The following WDR72 variants were observed in gnomAD, a reference collection of about 807,000 sequenced individuals.
The protein encoded by WDR72 is WD repeat-containing protein 72.
Under a neutral mutation model 124.2 loss-of-function variants are expected in WDR72, and 120 were observed. The ratio of observed to expected loss-of-function variants is 0.97; its 90% CI spans 0.83 to 1.12. The LOEUF (loss-of-function observed/expected upper bound fraction) is 1.12. Among genes scored for constraint, WDR72 ranks in the 50% most tolerant of loss-of-function variants. The pLI is 0.00. For missense variants in WDR72, 1,387 were observed against 1,278.8 expected (o/e 1.08, Z -1.29); for synonymous variants, 452 against 441.7 (o/e 1.02, Z -0.29).
At chr15:53,627,064 C>T (rs1007207921) in intron 14 of WDR72, among the ~76,000 whole-genome samples, 4 of 152,096 alleles carry the variant, frequency 2.6e-5, no homozygotes, top group Admixed American at 6.5e-5. Context: ...GACTCTTTCT[C>T]CTCACACTAA....
intron 13 of WDR72, among the ~76,000 whole-genome samples, chr15:53,690,626 A>T (rs1306102387): frequency 6.6e-6 from 1 of 152,196 alleles, no homozygotes; most frequent in Non-Finnish European, 1.5e-5. Flanking sequence ...CTACATTTTG[A>T]GGGTGGAGTA....
chr15:53,596,247 AAATT>A (rs2012767316), intron 18 of WDR72, among the ~76,000 whole-genome samples: 1 of 152,192 alleles, frequency 6.6e-6, no homozygotes, highest in Non-Finnish European at 1.5e-5. Context: ...ATCACATGAT[AAATT>A]AATGTATTCA....
Position 53,716,609 on chromosome 15 carries a change from A to C in WDR72, c.337T>G (p.Cys113Gly), listed in dbSNP as rs2140561680. The C allele has an allele frequency of 6.2e-7, 1 of 1,602,842 alleles. No individual in the cohort carries two copies. The highest frequency in any genetic ancestry group is 2.2e-5 in the East Asian group (1 of 44,816). The change falls in exon 4 of 20, where the codon TGT becomes GGT. Residue 113 changes from cysteine to glycine, a missense_variant and splice_region_variant. Transcript: ENST00000360509. Reference sequence around the variant, plus strand: ...CTGAAGGAAGTGAGTGTACTTACACAGATTGCAGTGTGCCTGTAAGGAAGT... The same window carrying C: ...CTGAAGGAAGTGAGTGTACTTACACCGATTGCAGTGTGCCTGTAAGGAAGT... The part of the protein sequence containing the change: ...ATLPYRHTAI[C>G]YYHCSFRMTG...
At chr15:53,737,394 T>A (rs188640250) in intron 1 of WDR72, among the ~76,000 whole-genome samples, 1 of 152,226 alleles carries the variant, frequency 6.6e-6, no homozygotes, top group Admixed American at 6.5e-5. Flanking sequence ...AAATTATCAA[T>A]TAGAATATAT....
chr15:53,702,460 T>G, intron 11 of WDR72, 106 bp from the exon 12 acceptor site: 1 of 926,144 alleles, frequency 1.1e-6, no homozygotes, highest in Non-Finnish European at 1.7e-6. Context: ...TACATATAAT[T>G]AAAGCATGCA....
rs984818602 is a variant in WDR72, at chr15:53,721,119, T to C, written c.260+1683A>G. ...GTATCTTATAGATACAGCATAAGTT[T>C]TAGAAACCTCAAAAGCACAAAGTTC... On this transcript the variant is annotated intron_variant, in intron 3 of 19. Transcript: ENST00000360509. Among the ~76,000 whole-genome samples the C allele has an allele frequency of 3.3e-5, 5 of 152,154 alleles. No homozygotes were observed. The East Asian group carries it at 7.7e-4, about 23-fold the overall frequency.
At chr15:53,727,277 T>C (rs969134019) in intron 2 of WDR72, among the ~76,000 whole-genome samples, 5 of 150,912 alleles carry the variant, frequency 3.3e-5, no homozygotes, top group Admixed American at 3.3e-4. Context: ...CTAGCAAATG[T>C]CTTGTGGGTA....
intron 1 of WDR72, among the ~76,000 whole-genome samples, chr15:53,739,773 G>A (rs1320966831): frequency 6.6e-6 from 1 of 152,142 alleles, no homozygotes; most frequent in African/African-American, 2.4e-5. Context: ...CTTGGCTAAC[G>A]TGTGCTTAGC....
intron 14 of WDR72, among the ~76,000 whole-genome samples, chr15:53,637,987 A>C (rs1241712504): frequency 1.3e-5 from 2 of 152,182 alleles, no homozygotes; most frequent in Non-Finnish European, 2.9e-5. Context: ...TTTTGCAATT[A>C]GTAGTACTCA....
intron 14 of WDR72, among the ~76,000 whole-genome samples, chr15:53,625,544 A>G (rs1430560602): frequency 6.6e-6 from 1 of 152,220 alleles, no homozygotes; most frequent in Non-Finnish European, 1.5e-5. Flanking sequence ...TGTGAATGCT[A>G]TAAACAGCAG....
chr15:53,552,128 ATGTGTGTG>A (rs34039658), intron 18 of WDR72, among the ~76,000 whole-genome samples: 136 of 149,846 alleles, frequency 9.1e-4, no homozygotes, highest in African/African-American at 3.2e-3. Flanking sequence ...TATACCTATC[ATGTGTGTG>A]TGTGTGTGTG....
intron 13 of WDR72, among the ~76,000 whole-genome samples, chr15:53,692,762 G>A (rs1037723547): frequency 6.6e-6 from 1 of 152,046 alleles, no homozygotes; most frequent in Non-Finnish European, 1.5e-5. Context: ...GTGATAACTA[G>A]GGCAAAGGAG....
intron 14 of WDR72, among the ~76,000 whole-genome samples, chr15:53,654,286 T>G (rs917758207): frequency 6.6e-6 from 1 of 152,204 alleles, no homozygotes; most frequent in African/African-American, 2.4e-5. Context: ...TTTCGTAGAT[T>G]ATATTACTTA....
chr15:53,654,270 C>T (rs62005959), intron 14 of WDR72, among the ~76,000 whole-genome samples: 7,328 of 152,196 alleles, frequency 0.048, 263 homozygotes, highest in Non-Finnish European at 0.078. Flanking sequence ...TCATACATAA[C>T]GAGACTTTCG....
At chr15:53,704,816 T>TA (rs35150329) in intron 11 of WDR72, among the ~76,000 whole-genome samples, 172 bp downstream of exon 11, 21,973 of 136,074 alleles carry the variant, frequency 0.16, 2,033 homozygotes, top group East Asian at 0.44. Context: ...ACAGGGAGTT[T>TA]AAAAAAAAAA....
At chr15:53,679,772 AAAT>A (rs982814238) in intron 13 of WDR72, among the ~76,000 whole-genome samples, 1 of 152,200 alleles carries the variant, frequency 6.6e-6, no homozygotes, top group Non-Finnish European at 1.5e-5. Flanking sequence ...TCTCAGAGAA[AAAT>A]AATAGAAGCC....
chr15:53,540,879 G>C (rs1407699090), intron 18 of WDR72: 1 of 154,222 alleles, frequency 6.5e-6, no homozygotes, highest in Non-Finnish European at 1.4e-5. Flanking sequence ...AGAAAGGGGT[G>C]ACGGACGCAC....
intron 13 of WDR72, among the ~76,000 whole-genome samples, chr15:53,689,088 G>T (rs1009752916): frequency 5.9e-5 from 9 of 152,142 alleles, no homozygotes; most frequent in Non-Finnish European, 1.3e-4. Context: ...AGACTTAAAC[G>T]TTAAACCTAA....
chr15:53,517,545 A>G lies in WDR72; in HGVS notation c.*154T>C, dbSNP rs1454844797. 6.7e-6 allele frequency: 5 copies of G among 748,492 alleles called. No individual in the cohort carries two copies. Among genetic ancestry groups the G allele is most frequent in the South Asian group, 1.5e-5 (1 of 68,218 alleles). The allele number at this position is 748,492 out of a possible 1,614,324, so 46.4% of individuals were successfully genotyped here. A position where few individuals can be genotyped will look rare whatever the true frequency, so the allele number is the denominator to read the frequency against. ...TGCATTGTAATCAGCATGTATTAAA[A>G]TCACTTTAATACATGTTGGCTAAAG... is the stretch of plus-strand genomic sequence containing the variant. On this transcript the variant is annotated 3_prime_UTR_variant, in exon 20 of 20. Coordinates refer to ENST00000360509, the MANE Select transcript of WDR72 (RefSeq NM_182758.4).
Sources: allele counts gnomAD v4.1 joint callset (sites outside exome capture counted in the v4.1 genomes callset), GRCh38; gene constraint gnomAD v4.1.1; transcripts MANE v1.5; gene names NCBI Gene and HGNC (gene_info 2026-07-23, HGNC 2026-07-21).